Variants in RNF150 observed in about 807,000 individuals in gnomAD.
RNF150 encodes the protein ring finger protein 150.
Under a neutral mutation model 39.3 loss-of-function variants are expected in RNF150, and 24 were observed. That is an observed-to-expected ratio of 0.61 (90% CI 0.44 to 0.86). The LOEUF is 0.86. Ranked by LOEUF, RNF150 falls within the 40% of genes least tolerant of loss-of-function variation. RNF150 has a pLI of 0.00. For synonymous variants in RNF150, 255 were observed against 227.3 expected (o/e 1.12, Z -1.10); for missense variants, 502 against 587.8 (o/e 0.85, Z 1.51).
At chr4:140,907,347 C>T (rs1160208650) in intron 6 of RNF150, among the ~76,000 whole-genome samples, 1 of 152,162 alleles carries the variant, frequency 6.6e-6, no homozygotes, top group African/African-American at 2.4e-5. Flanking sequence ...TACTTAAAAA[C>T]ATCTTTCTTC....
At chr4:141,069,534 G>A (rs1340587546) in intron 1 of RNF150, among the ~76,000 whole-genome samples, 1 of 145,522 alleles carries the variant, frequency 6.9e-6, no homozygotes, top group Non-Finnish European at 1.5e-5. Flanking sequence ...TTTTGGTTGT[G>A]TCTCTGCCCG....
At position 140,860,414 on chromosome 4, in the gene RNF150, C is replaced by CT. The variant is rs977899890; in HGVS notation, c.*7846dup. On this transcript the variant is annotated 3_prime_UTR_variant, in exon 7 of 7. Coordinates refer to ENST00000515673, the MANE Select transcript of RNF150 (RefSeq NM_020724.2). ...CCCATGCAAATGTCATCAGGAGTGA[C>CT]TTTTTTGTGATTTTGGGTCAGATGC... 6 of 152,054 alleles carry CT rather than the reference C, an allele frequency of 3.9e-5. No homozygotes were observed. The highest frequency in any genetic ancestry group is 1.5e-4 in the African/African-American group (6 of 41,376). The allele number at this position is 152,054 out of a possible 1,614,324, so 9.4% of individuals were successfully genotyped here. A position where few individuals can be genotyped will look rare whatever the true frequency, so the allele number is the denominator to read the frequency against.
intron 1 of RNF150, among the ~76,000 whole-genome samples, chr4:141,093,892 A>G (rs1344269825): frequency 6.6e-6 from 1 of 152,220 alleles, no homozygotes; most frequent in Non-Finnish European, 1.5e-5. Flanking sequence ...TAAGTGAATG[A>G]AAGAAGAGAC....
intron 1 of RNF150, among the ~76,000 whole-genome samples, chr4:141,089,420 G>C (rs1738493071): frequency 6.6e-6 from 1 of 152,070 alleles, no homozygotes; most frequent in African/African-American, 2.4e-5. Flanking sequence ...TGGGGGGAGG[G>C]GGAAGAATCC....
intron 1 of RNF150, among the ~76,000 whole-genome samples, chr4:141,111,173 G>A (rs1398313490): frequency 6.6e-6 from 1 of 152,180 alleles, no homozygotes; most frequent in Non-Finnish European, 1.5e-5. Flanking sequence ...CTGAGGAATG[G>A]TCTGTATATC....
chr4:141,082,750 G>A (rs1035762819), intron 1 of RNF150, among the ~76,000 whole-genome samples: 2 of 151,766 alleles, frequency 1.3e-5, no homozygotes, highest in Admixed American at 6.6e-5. Context: ...CACTACGCCC[G>A]GCTAATTTTT....
At chr4:141,169,842 A>G (rs1201050092) in intron 1 of RNF150, among the ~76,000 whole-genome samples, 3 of 152,032 alleles carry the variant, frequency 2.0e-5, no homozygotes, top group African/African-American at 7.2e-5. Flanking sequence ...CAGAGTCATG[A>G]GTCATTTAAC....
At chr4:141,019,459 GA>G (rs1735403358) in intron 1 of RNF150, among the ~76,000 whole-genome samples, 1 of 152,026 alleles carries the variant, frequency 6.6e-6, no homozygotes, top group Non-Finnish European at 1.5e-5. Flanking sequence ...ATTAGATGGG[GA>G]AAATAATCAG....
At chr4:141,110,180 G>A (rs966351424) in intron 1 of RNF150, among the ~76,000 whole-genome samples, 1 of 152,112 alleles carries the variant, frequency 6.6e-6, no homozygotes, top group Admixed American at 6.6e-5. Context: ...CCTCAGCCTC[G>A]GTCTGCCTCC....
intron 1 of RNF150, among the ~76,000 whole-genome samples, chr4:141,082,582 T>G (rs1351745700): frequency 1.4e-5 from 2 of 143,640 alleles, no homozygotes; most frequent in East Asian, 5.3e-4. Context: ...ATGAAATTAT[T>G]TTTTTTATTT....
At chr4:141,003,136 T>C (rs1168058146) in intron 1 of RNF150, among the ~76,000 whole-genome samples, 1 of 152,062 alleles carries the variant, frequency 6.6e-6, no homozygotes, top group African/African-American at 2.4e-5. Flanking sequence ...TATTACTTAT[T>C]GGGCCAAGCA....
intron 1 of RNF150, among the ~76,000 whole-genome samples, chr4:141,111,943 T>C (rs1739397299): frequency 6.6e-6 from 1 of 152,198 alleles, no homozygotes; most frequent in Non-Finnish European, 1.5e-5. Flanking sequence ...TTTAGGATGA[T>C]GACAGTAGGA....
chr4:141,119,912 C>T (rs974492706), intron 1 of RNF150, among the ~76,000 whole-genome samples: 1 of 152,196 alleles, frequency 6.6e-6, no homozygotes, highest in African/African-American at 2.4e-5. Context: ...AGTTTTTAAG[C>T]ATTCAAATTA....
At position 141,132,634 on chromosome 4, in the gene RNF150, C is replaced by A; in HGVS notation, c.175G>T (p.Ala59Ser). The A allele has an allele frequency of 1.3e-6, 2 of 1,582,694 alleles. No homozygotes were observed. Among genetic ancestry groups the A allele is most frequent in the East Asian group, 4.6e-5 (2 of 43,382 alleles). The stretch of plus-strand genomic sequence containing the variant: ...AGCTCCGCGCCGCCGCCGCCCGCCG[C>A]CCCGGCCCCGGGGTCCGGCGCGGGC... ...AEPAPDPGAG[A>S]AGGGGAELHT... The change falls in exon 1 of 7, where the codon GCG (alanine) becomes TCG (serine). Residue 59 changes from alanine (A) to serine (S), a missense_variant. By Grantham distance (99) the Ala-to-Ser change is moderately conservative. Transcript: ENST00000515673. This position sits in a 1 kb window ranked among gnomAD's most constrained non-coding sequence, Gnocchi z 4.9.
At chr4:141,096,128 G>A (rs544844593) in intron 1 of RNF150, among the ~76,000 whole-genome samples, 1 of 150,206 alleles carries the variant, frequency 6.7e-6, no homozygotes, top group East Asian at 2.0e-4. Flanking sequence ...TGGTACATTT[G>A]GTAACACAGG....
intron 1 of RNF150, among the ~76,000 whole-genome samples, chr4:141,160,067 A>C (rs879882286): frequency 6.6e-6 from 1 of 152,194 alleles, no homozygotes; most frequent in Non-Finnish European, 1.5e-5. Flanking sequence ...CCTGGTAAGA[A>C]ATGCAAATTG....
chr4:141,056,241 T>C (rs920078614), intron 1 of RNF150, among the ~76,000 whole-genome samples: 2 of 152,152 alleles, frequency 1.3e-5, no homozygotes, highest in Admixed American at 6.6e-5. Context: ...TAAACAGACA[T>C]GCCAGCTATT....
In RNF150 at chr4:140,862,753, GTATT is replaced by G; in HGVS notation, c.*5504_*5507del. 6.6e-6 allele frequency: 1 copy of G among 152,256 alleles called. No individual in the cohort carries two copies. Among genetic ancestry groups the G allele is most frequent in the Non-Finnish European group, 1.5e-5 (1 of 68,024 alleles). 9.4% of individuals were successfully genotyped at this position (152,256 alleles called of 1,614,324 possible). A position where few individuals can be genotyped will look rare whatever the true frequency, so the allele number is the denominator to read the frequency against. ...CAATCATGAGTATTTTAACTCATGA[GTATT>G]TAATTCCTTAAAAATACAAACTCCC... On this transcript the variant is annotated 3_prime_UTR_variant, in exon 7 of 7. Transcript: ENST00000515673.
intron 1 of RNF150, among the ~76,000 whole-genome samples, chr4:141,102,261 A>G (rs548808716): frequency 5.3e-5 from 8 of 152,334 alleles, no homozygotes; most frequent in African/African-American, 1.9e-4. Flanking sequence ...AAGAAGAAAA[A>G]ATCTTGATTA....
Sources: allele counts gnomAD v4.1 joint callset (sites outside exome capture counted in the v4.1 genomes callset), GRCh38; gene constraint gnomAD v4.1.1; non-coding constraint Gnocchi (gnomAD v3.1); transcripts MANE v1.5; gene names NCBI Gene and HGNC (gene_info 2026-07-23, HGNC 2026-07-21).